TNFSF4: variants seen among roughly 807,000 people sequenced by gnomAD.
TNFSF4 encodes tumor necrosis factor ligand superfamily member 4.
TNFSF4 carries 4 observed loss-of-function variants against 7.3 expected under a neutral mutation model. The observed-to-expected ratio is 0.55, with a 90% confidence interval of 0.27 to 1.25. The LOEUF is 1.25. Ranked by LOEUF, TNFSF4 falls within the 50% of genes most tolerant of loss-of-function variation. TNFSF4 has a pLI of 0.12. For missense variants in TNFSF4, 181 were observed against 208.8 expected (o/e 0.87, Z 0.82); for synonymous variants, 76 against 83.7 (o/e 0.91, Z 0.50).
the TNFSF4 span, among the ~76,000 whole-genome samples, chr1:173,272,416 T>A: frequency 6.6e-6 from 1 of 151,754 alleles, no homozygotes; most frequent in Non-Finnish European, 1.5e-5. Flanking sequence ...CTGGAAAAAA[T>A]TGCATGCCCA....
chr1:173,205,547 G>A (rs1168215864), intron 1 of TNFSF4: 5 of 1,316,440 alleles, frequency 3.8e-6, no homozygotes, highest in Non-Finnish European at 4.9e-6. Flanking sequence ...GGAGCCATGT[G>A]TCCTGTGTTT....
At chr1:173,205,391 T>G (rs1233234412) in intron 1 of TNFSF4, 1 of 1,608,808 alleles carries the variant, frequency 6.2e-7, no homozygotes, top group East Asian at 2.2e-5. Context: ...GCTGGATGAC[T>G]TGTTGGAAAG....
chr1:173,200,047 CT>C (rs964171827), intron 1 of TNFSF4, among the ~76,000 whole-genome samples: 2 of 152,158 alleles, frequency 1.3e-5, no homozygotes, highest in African/African-American at 2.4e-5. Flanking sequence ...ATATTTAAAT[CT>C]TTTTTTAAAA....
At chr1:173,270,594 T>C in the TNFSF4 span, among the ~76,000 whole-genome samples, 1 of 152,108 alleles carries the variant, frequency 6.6e-6, no homozygotes, top group Non-Finnish European at 1.5e-5. Flanking sequence ...AGATGAGTAA[T>C]CATAAATTTA....
chr1:173,275,126 C>A, the TNFSF4 span, among the ~76,000 whole-genome samples: 1 of 151,832 alleles, frequency 6.6e-6, no homozygotes, highest in East Asian at 1.9e-4. Context: ...CATTTTTACT[C>A]ATGGCAGAGC....
chr1:173,274,651 G>A, the TNFSF4 span, among the ~76,000 whole-genome samples: 2 of 152,016 alleles, frequency 1.3e-5, no homozygotes, highest in African/African-American at 4.8e-5. Context: ...TTTAAAAGCA[G>A]AGCGTTTTCT....
the TNFSF4 span, among the ~76,000 whole-genome samples, chr1:173,231,397 C>G: frequency 6.6e-6 from 1 of 152,124 alleles, no homozygotes; most frequent in South Asian, 2.1e-4. Flanking sequence ...ATTCAATAGC[C>G]CTTCATGCTA....
chr1:173,262,699 T>G, the TNFSF4 span, among the ~76,000 whole-genome samples: 1 of 147,274 alleles, frequency 6.8e-6, no homozygotes, highest in East Asian at 2.1e-4. Flanking sequence ...GCCTCCCAGG[T>G]TCATGCCATT....
At chr1:173,190,977 T>C (rs572866825) in intron 1 of TNFSF4, among the ~76,000 whole-genome samples, 1 of 152,346 alleles carries the variant, frequency 6.6e-6, no homozygotes, top group Admixed American at 6.5e-5. Context: ...TTAGAAGTTG[T>C]GACTTTAAGT....
At chr1:173,179,586 G>A (rs944609405), downstream of TNFSF4, among the ~76,000 whole-genome samples, 3 of 152,070 alleles carry the variant, frequency 2.0e-5, no homozygotes, top group East Asian at 1.9e-4. Context: ...GCTGATATCC[G>A]TTGTATAATC....
chr1:173,261,366 CA>C, the TNFSF4 span, among the ~76,000 whole-genome samples: 1 of 152,032 alleles, frequency 6.6e-6, no homozygotes, highest in African/African-American at 2.4e-5. Flanking sequence ...ATGCCCATAT[CA>C]AAAAGCTAGA....
chr1:173,312,292 T>A, the TNFSF4 span, among the ~76,000 whole-genome samples: 80 of 152,266 alleles, frequency 5.3e-4, no homozygotes, highest in African/African-American at 1.8e-3. Flanking sequence ...AAATTATCTA[T>A]CAGCATTTCA....
chr1:173,375,233 G>A, the TNFSF4 span, among the ~76,000 whole-genome samples: 1 of 152,168 alleles, frequency 6.6e-6, no homozygotes, highest in Non-Finnish European at 1.5e-5. Context: ...CCCCAAATGA[G>A]CTCAACTCAC....
chr1:173,441,224 T>C, the TNFSF4 span, among the ~76,000 whole-genome samples: 1 of 152,158 alleles, frequency 6.6e-6, no homozygotes, highest in Non-Finnish European at 1.5e-5. Context: ...TTTTCCTCCC[T>C]ACTTGCTTCT....
the TNFSF4 span, among the ~76,000 whole-genome samples, chr1:173,448,745 T>C: frequency 1.3e-5 from 2 of 152,188 alleles, no homozygotes; most frequent in Non-Finnish European, 2.9e-5. Context: ...ATGTCATCAG[T>C]TAAGGCGGGG....
chr1:173,204,924 A>ACAAACACAC (rs1557886815), intron 1 of TNFSF4, among the ~76,000 whole-genome samples: 1 of 131,608 alleles, frequency 7.6e-6, no homozygotes, highest in Non-Finnish European at 1.8e-5. Flanking sequence ...CACACACACA[A>ACAAACACAC]ACACACACAC....
upstream of TNFSF4, among the ~76,000 whole-genome samples, chr1:173,209,858 A>G (rs570026877): frequency 6.6e-6 from 1 of 152,120 alleles, no homozygotes; most frequent in Non-Finnish European, 1.5e-5. Flanking sequence ...ACCAGAGCAA[A>G]TCAGCCTTAA....
the TNFSF4 span, among the ~76,000 whole-genome samples, chr1:173,277,722 A>C: frequency 2.0e-5 from 3 of 152,140 alleles, no homozygotes; most frequent in African/African-American, 7.2e-5. Flanking sequence ...ACAATGTATC[A>C]GGCACATTGG....
At chr1:173,364,651 G>C in the TNFSF4 span, among the ~76,000 whole-genome samples, 4 of 151,926 alleles carry the variant, frequency 2.6e-5, no homozygotes, top group Non-Finnish European at 5.9e-5. Flanking sequence ...ATCCAATCAG[G>C]ATCGCATTAC....
Sources: gnomAD v4.1 joint callset for allele counts (sites outside exome capture counted in the v4.1 genomes callset) on GRCh38, gnomAD v4.1.1 for gene constraint, MANE v1.5 for transcripts, NCBI Gene and HGNC (gene_info 2026-07-23, HGNC 2026-07-21) for gene names.